The following RAI14 variants were observed in gnomAD, a reference collection of about 807,000 sequenced individuals.
RAI14 encodes the protein retinoic acid induced 14.
Under a neutral mutation model 115.4 loss-of-function variants are expected in RAI14, and 45 were observed. The observed-to-expected ratio is 0.39, with a 90% confidence interval of 0.31 to 0.50. The LOEUF is 0.50. Among genes scored for constraint, RAI14 ranks in the 20% least tolerant of loss-of-function variants. The pLI, the probability that RAI14 is intolerant of heterozygous loss-of-function variation, is 0.85. For synonymous variants in RAI14, 371 were observed against 415.4 expected, an observed-to-expected ratio of 0.89 and a Z score of 1.30; for missense variants, 939 against 1,131.2, an observed-to-expected ratio of 0.83 and a Z score of 2.44.
intron 2 of RAI14, among the ~76,000 whole-genome samples, chr5:34,734,311 T>A (rs1744581428): frequency 6.6e-6 from 1 of 152,182 alleles, no homozygotes; most frequent in Non-Finnish European, 1.5e-5. Context: ...GATTGCCCGC[T>A]CCCCAGTGTT....
chr5:34,678,886 A>G (rs868863218), intron 1 of RAI14, among the ~76,000 whole-genome samples: 12 of 152,088 alleles, frequency 7.9e-5, no homozygotes, highest in South Asian at 4.2e-4. Context: ...CTACCCTATT[A>G]CACAGAATCT....
At chr5:34,698,211 C>G (rs1366332876) in intron 2 of RAI14, among the ~76,000 whole-genome samples, 2 of 134,366 alleles carry the variant, frequency 1.5e-5, no homozygotes, top group Non-Finnish European at 3.2e-5. Context: ...TCTCCCTTCC[C>G]CTCCATCTCC....
chr5:34,798,512 G>C (rs1753820431), intron 4 of RAI14, among the ~76,000 whole-genome samples: 3 of 151,972 alleles, frequency 2.0e-5, no homozygotes. Flanking sequence ...ACATGCCTGA[G>C]ATCACATTAT....
intron 2 of RAI14, among the ~76,000 whole-genome samples, chr5:34,721,718 CTT>C (rs997805479): frequency 6.7e-6 from 1 of 149,262 alleles, no homozygotes; most frequent in African/African-American, 2.5e-5. Context: ...TGAACGGACA[CTT>C]TTTTTTTTGA....
intron 3 of RAI14, among the ~76,000 whole-genome samples, chr5:34,778,375 G>A (rs2150152210): frequency 6.6e-6 from 1 of 152,308 alleles, no homozygotes; most frequent in Middle Eastern, 3.4e-3. Context: ...GGCTGTCAAA[G>A]TGTTATTTCA....
In RAI14 at chr5:34,775,193, G is replaced by A. The variant is rs77682936; in HGVS notation, c.167+17595G>A. 6.3e-3 allele frequency among the ~76,000 whole-genome samples: 966 copies of A among 152,266 alleles called. 11 individuals carry two copies. The highest frequency in any genetic ancestry group is 0.049 in the East Asian group (252 of 5,184). ...AAACATCGAGGAAACTCTGTAGGGC[G>A]TTGGGTTGGGCAAAGATTTCTTGAG... On this transcript the variant is annotated intron_variant, in intron 3 of 17. Transcript: ENST00000265109.
At chr5:34,763,972 C>T (rs528238165) in intron 3 of RAI14, among the ~76,000 whole-genome samples, 3 of 152,264 alleles carry the variant, frequency 2.0e-5, no homozygotes, top group African/African-American at 4.8e-5. Context: ...CTGCCTCAGC[C>T]TCCCACATAG....
At chr5:34,775,238 A>C (rs769485659) in intron 3 of RAI14, among the ~76,000 whole-genome samples, 14 of 152,186 alleles carry the variant, frequency 9.2e-5, no homozygotes, top group Non-Finnish European at 2.1e-4. Flanking sequence ...ACAAGCACAA[A>C]CAACCAAAAC....
intron 17 of RAI14, among the ~76,000 whole-genome samples, chr5:34,830,073 C>T (rs1394070246): frequency 6.6e-6 from 1 of 152,112 alleles, no homozygotes; most frequent in African/African-American, 2.4e-5. Flanking sequence ...GCAGCCTCGA[C>T]CCACGGGCTC....
intron 3 of RAI14, among the ~76,000 whole-genome samples, chr5:34,785,404 A>T (rs990522796): frequency 5.9e-5 from 9 of 152,268 alleles, no homozygotes; most frequent in African/African-American, 1.7e-4. Context: ...TTGTTCTGGA[A>T]TCAGAACTTG....
At chr5:34,670,250 G>A (rs1743523118) in intron 1 of RAI14, among the ~76,000 whole-genome samples, 1 of 152,182 alleles carries the variant, frequency 6.6e-6, no homozygotes, top group Admixed American at 6.5e-5. Context: ...AAAAATTACT[G>A]GTGTTGTCTC....
At chr5:34,738,998 A>G (rs1037014722) in intron 2 of RAI14, among the ~76,000 whole-genome samples, 3 of 152,210 alleles carry the variant, frequency 2.0e-5, no homozygotes, top group African/African-American at 7.2e-5. Context: ...CCTGCGGTAT[A>G]TCTCATCTGT....
At chr5:34,817,166 A>G (rs1399645020) in intron 12 of RAI14, among the ~76,000 whole-genome samples, 3 of 150,102 alleles carry the variant, frequency 2.0e-5, no homozygotes, top group Non-Finnish European at 3.0e-5. Context: ...AGTCCCAGCT[A>G]CTGGGAAGGC....
At chr5:34,772,512 A>T (rs1379575213) in intron 3 of RAI14, among the ~76,000 whole-genome samples, 2 of 152,200 alleles carry the variant, frequency 1.3e-5, no homozygotes, top group East Asian at 3.9e-4. Context: ...GGATGAAATG[A>T]GTTAAAACTT....
intron 1 of RAI14, among the ~76,000 whole-genome samples, chr5:34,677,462 T>G (rs1443791920): frequency 2.0e-5 from 3 of 152,136 alleles, no homozygotes; most frequent in Non-Finnish European, 2.9e-5. Flanking sequence ...TTTCTTTTTT[T>G]TTAAAATGGG....
At chr5:34,740,809 G>T (rs1174529284) in intron 2 of RAI14, among the ~76,000 whole-genome samples, 2 of 152,182 alleles carry the variant, frequency 1.3e-5, no homozygotes, top group Non-Finnish European at 2.9e-5. Flanking sequence ...TCCCCCTGTG[G>T]GTGGATATTA....
chr5:34,685,990 G>A (rs770208972), intron 1 of RAI14, among the ~76,000 whole-genome samples: 2 of 152,144 alleles, frequency 1.3e-5, no homozygotes, highest in African/African-American at 4.8e-5. Flanking sequence ...ATTTGATGAG[G>A]GAGGTTTTGT....
At chr5:34,747,042 C>T (rs1746346267) in intron 2 of RAI14, among the ~76,000 whole-genome samples, 1 of 152,204 alleles carries the variant, frequency 6.6e-6, no homozygotes, top group South Asian at 2.1e-4. Context: ...CCTCCCCAGC[C>T]ATGTGGAACT....
At chr5:34,818,363 G>T (rs748259201) in intron 12 of RAI14, among the ~76,000 whole-genome samples, 2 of 152,090 alleles carry the variant, frequency 1.3e-5, no homozygotes, top group Non-Finnish European at 2.9e-5. Context: ...AAATGATAAA[G>T]CTAAAAAATC....
Sources: gnomAD v4.1 joint callset for allele counts (sites outside exome capture counted in the v4.1 genomes callset) on GRCh38, gnomAD v4.1.1 for gene constraint, MANE v1.5 for transcripts, NCBI Gene and HGNC (gene_info 2026-07-23, HGNC 2026-07-21) for gene names.